Variants in ANKHD1 observed in about 807,000 individuals in gnomAD.
ANKHD1 encodes ankyrin repeat and KH domain containing 1.
ANKHD1 carries 31 observed loss-of-function variants against 230.5 expected under a neutral mutation model. That is an observed-to-expected ratio of 0.13 (90% CI 0.10 to 0.18). ANKHD1 has a LOEUF of 0.18. ANKHD1 is among the 10% of genes least tolerant of loss of function. The pLI, the probability that ANKHD1 is intolerant of heterozygous loss-of-function variation, is 1.00. For missense variants in ANKHD1, 2,256 were observed against 3,071.3 expected (o/e 0.73, Z 6.27); for synonymous variants, 1,074 against 1,117.6 (o/e 0.96, Z 0.78).
At chr5:140,521,415 A>T (rs1241674472) in intron 24 of ANKHD1, among the ~76,000 whole-genome samples, 2 of 151,696 alleles carry the variant, frequency 1.3e-5, no homozygotes, top group African/African-American at 4.8e-5. Context: ...CAGGAGGATC[A>T]CTTGAGACCA....
chr5:140,483,160 CTG>C (rs1286033560), intron 11 of ANKHD1, among the ~76,000 whole-genome samples: 1 of 152,100 alleles, frequency 6.6e-6, no homozygotes, highest in Non-Finnish European at 1.5e-5. Flanking sequence ...TAGCTTAAGA[CTG>C]TTTACTGCAG....
chr5:140,471,858 C>T (rs1259054363), intron 10 of ANKHD1, among the ~76,000 whole-genome samples: 1 of 152,068 alleles, frequency 6.6e-6, no homozygotes, highest in African/African-American at 2.4e-5. Flanking sequence ...CAGTATTTTC[C>T]TCCGTCCTCC....
At position 140,488,933 on chromosome 5, in the gene ANKHD1, A is replaced by G. The variant is rs371285498; in HGVS notation, c.2245+1873A>G. Among the ~76,000 whole-genome samples the G allele has an allele frequency of 3.0e-4, 46 of 152,112 alleles. 1 individual carries two copies. The South Asian group carries it at 9.3e-3, about 31-fold the overall frequency. ...GTGCCAGGCACAGGGGCTCACACCT[A>G]TAATCCCCGCACTTTGGCAGGCCAG... On this transcript the variant is annotated intron_variant, in intron 14 of 33. Transcript: ENST00000360839.
Position 140,528,924 on chromosome 5 carries a change from C to T in ANKHD1, c.5978C>T (p.Pro1993Leu). The T allele has an allele frequency of 6.2e-7, 1 of 1,614,198 alleles. No homozygotes were observed. Among genetic ancestry groups the T allele is most frequent in the Non-Finnish European group, 8.5e-7 (1 of 1,180,042 alleles). Reference sequence around the variant, plus strand: ...TCCCTGCCTTCTGTCTCCTCTGCACCTATCACTAGCGGGCAAGCTCCCACC... The same window carrying T: ...TCCCTGCCTTCTGTCTCCTCTGCACTTATCACTAGCGGGCAAGCTCCCACC... Reference protein sequence around the residue: ...CSSLPSVSSAPITSGQAPTTF... With the variant: ...CSSLPSVSSALITSGQAPTTF... Residue 1993 changes from proline to leucine, a missense_variant, in exon 29 of 34, where the codon CCT becomes CTT. Pro to Leu is a moderately conservative substitution (Grantham distance 98). This residue lies in a region of ANKHD1 where 778 missense variants were observed against 966.5 expected (regional missense o/e 0.80). Transcript: ENST00000360839.
At chr5:140,513,578 G>A in intron 24 of ANKHD1, 99 bp downstream of exon 24, 1 of 1,195,968 alleles carries the variant, frequency 8.4e-7, no homozygotes. Flanking sequence ...GAAGGCCAAG[G>A]CGGGTGGATT....
Position 140,485,864 on chromosome 5 carries a change from T to C in ANKHD1, c.2142+132T>C. 7.7e-7 allele frequency: 1 copy of C among 1,300,702 alleles called. No homozygotes were observed. The highest frequency in any genetic ancestry group is 2.9e-5 in the Admixed American group (1 of 34,544). 80.6% of individuals were successfully genotyped at this position (1,300,702 alleles called of 1,614,324 possible). A position where few individuals can be genotyped will look rare whatever the true frequency, so the allele number is the denominator to read the frequency against. On this transcript the variant is annotated intron_variant, in intron 13 of 33. Coordinates refer to ENST00000360839, the MANE Select transcript of ANKHD1 (RefSeq NM_017747.3). This position sits in a 1 kb window ranked among gnomAD's most constrained non-coding sequence, Gnocchi z 4.8. ...TTACATATTGAGAAAATCATGACTC[T>C]AAATTCTTTAGGATTTATTTTCTTT...
Position 140,497,296 on chromosome 5 carries a change from T to C in ANKHD1, c.3004+18T>C, listed in dbSNP as rs767736603. 2.5e-6 allele frequency: 4 copies of C among 1,578,328 alleles called. No individual in the cohort carries two copies. In the Admixed American group the frequency reaches 7.1e-5, roughly 28 times the overall value. ...GATAGCAGGTGGGTTAAGAAATATATCTGTAATAATTTCTCTTTAATCTGT... is the reference window on the plus strand; with the variant it reads ...GATAGCAGGTGGGTTAAGAAATATACCTGTAATAATTTCTCTTTAATCTGT... On this transcript the variant is annotated intron_variant, in intron 15 of 33. Coordinates refer to ENST00000360839, the MANE Select transcript of ANKHD1 (RefSeq NM_017747.3).
At chr5:140,436,890 A>C (rs560424031) in intron 2 of ANKHD1, among the ~76,000 whole-genome samples, 1 of 152,224 alleles carries the variant, frequency 6.6e-6, no homozygotes, top group Non-Finnish European at 1.5e-5. Context: ...CATGTTGATT[A>C]CTTGTGTATT....
At chr5:140,502,032 T>C (rs1752328839) in intron 15 of ANKHD1, among the ~76,000 whole-genome samples, 1 of 145,834 alleles carries the variant, frequency 6.9e-6, no homozygotes, top group Non-Finnish European at 1.5e-5. Flanking sequence ...AGAGACCCTA[T>C]CTCTTTAAAA....
intron 14 of ANKHD1, among the ~76,000 whole-genome samples, chr5:140,488,600 A>T (rs1029465030): frequency 6.6e-6 from 1 of 150,432 alleles, no homozygotes; most frequent in Non-Finnish European, 1.5e-5. Context: ...AAAAAAAAAA[A>T]TCATAAAAAA....
At chr5:140,458,375 C>T (rs1368036605) in intron 7 of ANKHD1, among the ~76,000 whole-genome samples, 3 of 152,086 alleles carry the variant, frequency 2.0e-5, no homozygotes, top group Non-Finnish European at 2.9e-5. Context: ...CACCAAGTCT[C>T]ATTCTTTTGG....
chr5:140,403,730 G>C (rs957082713), intron 1 of ANKHD1, among the ~76,000 whole-genome samples: 1 of 152,146 alleles, frequency 6.6e-6, no homozygotes, highest in Non-Finnish European at 1.5e-5. Flanking sequence ...ATTGTTTTAA[G>C]TGCTCAGAGT....
Position 140,464,667 on chromosome 5 carries a change from G to A in ANKHD1, c.1673G>A (p.Gly558Asp). 1 of 1,559,536 alleles carries A rather than the reference G, an allele frequency of 6.4e-7. No homozygotes were observed. Among genetic ancestry groups the A allele is most frequent in the African/African-American group, 1.4e-5 (1 of 73,890 alleles). The change falls in exon 10 of 34, where the codon GGC (glycine) becomes GAC (aspartate). Residue 558 changes from glycine (G) to aspartate (D), a missense_variant and splice_region_variant. Physicochemically the swap from Gly to Asp is moderately conservative, Grantham distance 94 (BLOSUM62 -1). Around this residue, in one of 13 missense-constraint regions of ANKHD1, gnomAD observed 179 missense variants for 261.8 expected, o/e 0.68. Transcript: ENST00000360839. ...LELVKYLLAS[G>D]ANVHATTATG... Reference sequence around the variant, plus strand: ...AAATGTATGCTTTTTTGTTTGCTAGGCGCTAATGTGCATGCTACAACAGCA... The same window carrying A: ...AAATGTATGCTTTTTTGTTTGCTAGACGCTAATGTGCATGCTACAACAGCA...
In ANKHD1 at chr5:140,527,675, A is replaced by C. The variant is rs1753664534; in HGVS notation, c.5088-198A>C. Among the ~76,000 whole-genome samples the C allele has an allele frequency of 1.3e-5, 2 of 152,204 alleles. No homozygotes were observed. The highest frequency in any genetic ancestry group is 4.8e-5 in the African/African-American group (2 of 41,448). The stretch of plus-strand genomic sequence containing the variant: ...ATTAGGTTCTCTGAAACTGCAGAGC[A>C]ATGTAATTTTTAACTTTACTAAATT... On this transcript the variant is annotated intron_variant, in intron 27 of 33. Coordinates refer to ENST00000360839, the MANE Select transcript of ANKHD1 (RefSeq NM_017747.3). The surrounding 1 kb of genome is among the most constrained non-coding windows in gnomAD (Gnocchi z 4.5).
At chr5:140,459,460 G>A (rs981028389) in intron 9 of ANKHD1, 105 bp downstream of exon 9, 3 of 1,346,548 alleles carry the variant, frequency 2.2e-6, no homozygotes, top group Admixed American at 2.8e-5. Context: ...TAGAATGGTG[G>A]TTACCAGAGT....
intron 1 of ANKHD1, among the ~76,000 whole-genome samples, chr5:140,409,854 A>G (rs2126844450): frequency 6.6e-6 from 1 of 152,144 alleles, no homozygotes; most frequent in East Asian, 1.9e-4. Flanking sequence ...GCCCAGCCAC[A>G]ATTTTTTGTA....
intron 10 of ANKHD1, among the ~76,000 whole-genome samples, chr5:140,470,311 CTTTAATAAGTTGTCATAGTA>C: frequency 6.7e-6 from 1 of 150,322 alleles, no homozygotes; most frequent in Middle Eastern, 3.5e-3. Flanking sequence ...AAGTCATAGT[CTTTAATAAGTTGTCATAGTA>C]TTTAATTTTT....
intron 6 of ANKHD1, among the ~76,000 whole-genome samples, chr5:140,447,262 GCACTGTCATAGCT>G (rs1774358825): frequency 6.6e-6 from 1 of 151,846 alleles, no homozygotes; most frequent in African/African-American, 2.4e-5. Flanking sequence ...GAGTGCAGTG[GCACTGTCATAGCT>G]CACTGCAGCC....
intron 1 of ANKHD1, among the ~76,000 whole-genome samples, chr5:140,424,832 A>C (rs897514396): frequency 6.6e-6 from 1 of 152,246 alleles, no homozygotes; most frequent in Non-Finnish European, 1.5e-5. Flanking sequence ...GATTCACTTC[A>C]TCCACTTTGG....
Sources: gnomAD v4.1 joint callset for allele counts (sites outside exome capture counted in the v4.1 genomes callset) on GRCh38, gnomAD v4.1.1 for gene constraint, gnomAD v4.1.1 regional missense constraint, Gnocchi (gnomAD v3.1) non-coding constraint, MANE v1.5 for transcripts, NCBI Gene and HGNC (gene_info 2026-07-23, HGNC 2026-07-21) for gene names.